Variants in RNPS1 observed in about 807,000 individuals in gnomAD.
RNPS1 encodes RNA binding protein with serine rich domain 1, also known as RNA-binding protein with serine-rich domain 1.
For missense variants in RNPS1, 300 were observed against 427.6 expected, an observed-to-expected ratio of 0.70 and a Z score of 2.63; for synonymous variants, 147 against 150.0, an observed-to-expected ratio of 0.98 and a Z score of 0.15.
At chr16:2,262,144 C>A in intron 6 of RNPS1, 134 bp downstream of exon 6, 2 of 911,772 alleles carry the variant, frequency 2.2e-6, no homozygotes, top group East Asian at 5.0e-5. Context: ...GAACTGCACC[C>A]CAGCCTGGGC....
chr16:2,260,823 A>G (rs1231366832), intron 6 of RNPS1, among the ~76,000 whole-genome samples: 2 of 152,234 alleles, frequency 1.3e-5, no homozygotes, highest in East Asian at 3.8e-4. Flanking sequence ...TTTAATAAAA[A>G]TGGGAAGCCC....
At chr16:2,266,459 T>G in intron 1 of RNPS1, 1 of 961,912 alleles carries the variant, frequency 1.0e-6, no homozygotes, top group Non-Finnish European at 1.2e-6. Context: ...GAGGTTTTAC[T>G]GTGTGATTTT....
intron 1 of RNPS1, chr16:2,266,350 G>T (rs1175326535): frequency 1.0e-6 from 1 of 985,378 alleles, no homozygotes; most frequent in South Asian, 4.7e-5. Context: ...CAGACACCCA[G>T]CAGATAGTGC....
At chr16:2,262,935 G>T in intron 4 of RNPS1, 93 bp from the exon 5 acceptor site, 2 of 1,326,204 alleles carry the variant, frequency 1.5e-6, no homozygotes, top group Non-Finnish European at 1.1e-6. Context: ...TTGTGTGACA[G>T]TTTTCATAAG....
At chr16:2,259,706 G>A (rs533479571) in intron 6 of RNPS1, among the ~76,000 whole-genome samples, 3 of 152,230 alleles carry the variant, frequency 2.0e-5, no homozygotes, top group African/African-American at 7.2e-5. Flanking sequence ...TGGCTAACAG[G>A]GTGAAACTCC....
At chr16:2,261,738 A>G (rs1448635187) in intron 6 of RNPS1, among the ~76,000 whole-genome samples, 1 of 152,182 alleles carries the variant, frequency 6.6e-6, no homozygotes, top group African/African-American at 2.4e-5. Context: ...GTCAGGACCC[A>G]TTTAGGATTA....
rs1489284717 is a variant in RNPS1 at position 2,268,009 on chromosome 16, G to T, written c.-118+46C>A. ...ACGAGGCGTCCTGCCGGGCCTGCCG[G>T]GCAGCCCCCGAAACACGGATGCAGT... On this transcript the variant is annotated intron_variant, in intron 1 of 7. Coordinates refer to ENST00000320225, the MANE Select transcript of RNPS1 (RefSeq NM_080594.4). The T allele has an allele frequency of 6.5e-6, 10 of 1,533,604 alleles. No homozygotes were observed. In the South Asian group the frequency reaches 1.2e-4, roughly 18 times the overall value. The allele number at this position is 1,533,604 out of a possible 1,614,324, so 95.0% of individuals were successfully genotyped here. A position where few individuals can be genotyped will look rare whatever the true frequency, so the allele number is the denominator to read the frequency against.
In RNPS1 at chr16:2,268,071, C is replaced by A. The variant is rs768289837; in HGVS notation, c.-134G>T. ...CCAACTTACATCTTCCCGCCGCCGC[C>A]ACCTCCTCCTGCTTTCCTCAGCCGC... On this transcript the variant is annotated 5_prime_UTR_variant, in exon 1 of 8. Transcript: ENST00000320225. The A allele has an allele frequency of 1.3e-6, 2 of 1,535,340 alleles. No homozygotes were observed. Among genetic ancestry groups the A allele is most frequent in the South Asian group, 2.4e-5 (2 of 84,036 alleles).
chr16:2,264,587 T>C lies in RNPS1; in HGVS notation c.57A>G (p.Lys19=). 1 of 1,613,528 alleles carries C rather than the reference T, an allele frequency of 6.2e-7. No homozygotes were observed. Among genetic ancestry groups the C allele is most frequent in the East Asian group, 2.2e-5 (1 of 44,886 alleles). Residue 19 remains lysine, a synonymous_variant, in exon 2 of 8, where the codon AAA becomes AAG. Coordinates refer to ENST00000320225, the MANE Select transcript of RNPS1 (RefSeq NM_080594.4). The stretch of plus-strand genomic sequence containing the variant: ...AGAAGGATTACCTAGTGCTGGACTT[T>C]TTATTATTTTCTTTGACTCCTAGCA... The part of the protein sequence containing the change: ...KSLLGVKENN[K]KSSTRAPSPT...
intron 1 of RNPS1, chr16:2,267,725 T>C: frequency 7.9e-7 from 1 of 1,266,404 alleles, no homozygotes; most frequent in Non-Finnish European, 1.0e-6. Context: ...GTTGGGGGCT[T>C]GGGTCTCCGG....
intron 2 of RNPS1, 112 bp downstream of exon 2, chr16:2,264,461 G>T (rs1253993740): frequency 6.7e-5 from 102 of 1,526,968 alleles, no homozygotes; most frequent in Non-Finnish European, 8.9e-5. Flanking sequence ...AGTGGTCTGT[G>T]GCTCAGAACA....
rs771955709 is a variant in RNPS1, at chr16:2,263,298, G to C, written c.228-11C>G. 6.2e-7 allele frequency: 1 copy of C among 1,613,872 alleles called. No homozygotes were observed. The highest frequency in any genetic ancestry group is 2.2e-5 in the East Asian group (1 of 44,878). ...GAGCTGGACCGAGACCTGAGGGCAAGATGAGGGGTCACAACCACCACACAC... is the reference window on the plus strand; with the variant it reads ...GAGCTGGACCGAGACCTGAGGGCAACATGAGGGGTCACAACCACCACACAC... On this transcript the variant is annotated splice_polypyrimidine_tract_variant and intron_variant, in intron 3 of 7. Transcript: ENST00000320225.
chr16:2,267,285 G>A (rs182869658), intron 1 of RNPS1: 31 of 984,220 alleles, frequency 3.1e-5, no homozygotes, highest in African/African-American at 7.0e-5. Context: ...TCGAGGAGAG[G>A]GCGTTTCGGC....
chr16:2,266,608 G>A, intron 1 of RNPS1: 1 of 985,352 alleles, frequency 1.0e-6, no homozygotes, highest in South Asian at 4.7e-5. Flanking sequence ...ACGTCCGGAG[G>A]CTCCTTCCCC....
At chr16:2,264,902 G>A (rs568700222) in intron 1 of RNPS1, 142 bp from the exon 2 acceptor site, 478 of 563,424 alleles carry the variant, frequency 8.5e-4, no homozygotes, top group Non-Finnish European at 1.3e-3. Flanking sequence ...GAACACATAG[G>A]GACAGTCCCC....
chr16:2,262,198 G>A (rs2093605693), intron 6 of RNPS1, 80 bp downstream of exon 6: 1 of 1,398,688 alleles, frequency 7.1e-7, no homozygotes, highest in South Asian at 1.2e-5. Flanking sequence ...AAGAAGTGCA[G>A]CCCAGTTGGA....
chr16:2,264,441 C>A, intron 2 of RNPS1, 110 bp from the exon 3 acceptor site: 2 of 1,558,076 alleles, frequency 1.3e-6, no homozygotes, highest in East Asian at 2.2e-5. Context: ...CCGAGGTGAC[C>A]ACAGAGCAAA....
In RNPS1 at chr16:2,255,117, G is replaced by C. The variant is rs12598999; in HGVS notation, c.818+468C>G. On this transcript the variant is annotated intron_variant, in intron 7 of 7. Coordinates refer to ENST00000320225, the MANE Select transcript of RNPS1 (RefSeq NM_080594.4). ...CCTGAGCTCTTGGGAACGGGTGCTT[G>C]TGAGACCCAAGGCAGAAGCCCAGGC... Among the ~76,000 whole-genome samples the C allele has an allele frequency of 1.4e-4, 21 of 152,310 alleles. No homozygotes were observed. In the East Asian group the frequency reaches 4.1e-3, roughly 29 times the overall value.
chr16:2,255,791 C>T, intron 6 of RNPS1, 65 bp from the exon 7 acceptor site: 1 of 1,510,718 alleles, frequency 6.6e-7, no homozygotes, highest in Non-Finnish European at 9.1e-7. Flanking sequence ...ATGCATGCCA[C>T]AGTGAAAGAC....
Sources: gnomAD v4.1 joint callset for allele counts (sites outside exome capture counted in the v4.1 genomes callset) on GRCh38, gnomAD v4.1.1 for gene constraint, MANE v1.5 for transcripts, NCBI Gene and HGNC (gene_info 2026-07-23, HGNC 2026-07-21) for gene names.